The following LRCH1 variants were observed in gnomAD, a reference collection of about 807,000 sequenced individuals.
The protein encoded by LRCH1 is leucine-rich repeat and calponin homology domain-containing protein 1.
In LRCH1, 23 loss-of-function variants were observed where a neutral mutation model predicts 94.9. That is an observed-to-expected ratio of 0.24 (90% CI 0.17 to 0.34). LRCH1 has a LOEUF of 0.34. Among genes scored for constraint, LRCH1 ranks in the 10% least tolerant of loss-of-function variants. The pLI is 1.00. For missense variants in LRCH1, 790 were observed against 945.9 expected, an observed-to-expected ratio of 0.84 and a Z score of 2.16; for synonymous variants, 364 against 354.9, an observed-to-expected ratio of 1.03 and a Z score of -0.29.
chr13:46,683,390 A>C (rs905038575), intron 4 of LRCH1, among the ~76,000 whole-genome samples: 8 of 152,214 alleles, frequency 5.3e-5, no homozygotes, highest in African/African-American at 1.9e-4. Flanking sequence ...TTTTTACTTC[A>C]GTACTTGAGA....
intron 4 of LRCH1, among the ~76,000 whole-genome samples, chr13:46,685,610 T>C (rs1313722405): frequency 6.6e-6 from 1 of 151,328 alleles, no homozygotes; most frequent in Non-Finnish European, 1.5e-5. Flanking sequence ...CGTGATTCTT[T>C]TGCTGAAAAA....
rs139620572 is a variant in LRCH1, at chr13:46,657,586, G to A, written c.452+7241G>A. On this transcript the variant is annotated intron_variant, in intron 2 of 19. Transcript: ENST00000389797. ...GTTGCTCAGGCTAGAGTGCAGTGGT[G>A]TGATCACAGCTTACTGCAGCCTCGA... 6.1e-3 allele frequency among the ~76,000 whole-genome samples: 690 copies of A among 112,624 alleles called. 5 individuals carry two copies. The highest frequency in any genetic ancestry group is 0.02 in the African/African-American group (586 of 28,952). The allele number at this position is 112,624 out of a possible 152,430, so 73.9% of individuals were successfully genotyped here. A position where few individuals can be genotyped will look rare whatever the true frequency, so the allele number is the denominator to read the frequency against.
At chr13:46,652,162 C>T (rs551900738) in intron 2 of LRCH1, among the ~76,000 whole-genome samples, 7 of 151,556 alleles carry the variant, frequency 4.6e-5, no homozygotes, top group African/African-American at 1.7e-4. Flanking sequence ...CTGCAAGCTC[C>T]GCCTCCCGGG....
chr13:46,571,816 T>C (rs932598602), intron 1 of LRCH1, among the ~76,000 whole-genome samples: 3 of 152,088 alleles, frequency 2.0e-5, no homozygotes, highest in Non-Finnish European at 2.9e-5. Context: ...TAATAACACT[T>C]ATGGGGTTGC....
chr13:46,626,118 G>C (rs966150999), intron 1 of LRCH1, among the ~76,000 whole-genome samples: 1 of 152,080 alleles, frequency 6.6e-6, no homozygotes, highest in Non-Finnish European at 1.5e-5. Context: ...TTTTAAGCCT[G>C]GGAATCTTGG....
At chr13:46,613,970 C>T (rs1189012338) in intron 1 of LRCH1, among the ~76,000 whole-genome samples, 2 of 151,696 alleles carry the variant, frequency 1.3e-5, no homozygotes, top group African/African-American at 4.8e-5. Context: ...GAGCTGCCTT[C>T]GTTAATAGGC....
chr13:46,573,866 A>ATATATATATATATATATATATATT lies in LRCH1; in HGVS notation c.307+20164_307+20165insATATATATATATATATATATATTT. Among the ~76,000 whole-genome samples, 207 of 63,268 alleles carry ATATATATATATATATATATATATT rather than the reference A, an allele frequency of 3.3e-3. 5 individuals are homozygous for ATATATATATATATATATATATATT. The highest frequency in any genetic ancestry group is 9.3e-3 in the East Asian group (14 of 1,506). 41.5% of individuals were successfully genotyped at this position (63,268 alleles called of 152,430 possible). On this transcript the variant is annotated intron_variant, in intron 1 of 19. Coordinates refer to ENST00000389797, the MANE Select transcript of LRCH1 (RefSeq NM_001164211.2). ...GTCAAATATATATATATATATATAT[A>ATATATATATATATATATATATATT]TTTTTTTTTTTTTTGAGATGGAGTC...
chr13:46,584,752 T>G (rs1213958153), intron 1 of LRCH1, among the ~76,000 whole-genome samples: 1 of 152,236 alleles, frequency 6.6e-6, no homozygotes, highest in Non-Finnish European at 1.5e-5. Flanking sequence ...TGTTTCTTAA[T>G]TTTAACATGG....
At chr13:46,599,129 A>G (rs1261703857) in intron 1 of LRCH1, among the ~76,000 whole-genome samples, 1 of 152,208 alleles carries the variant, frequency 6.6e-6, no homozygotes, top group African/African-American at 2.4e-5. Context: ...TTAGCATTAT[A>G]TAATGTCCTT....
chr13:46,562,594 G>C (rs920452630), intron 1 of LRCH1, among the ~76,000 whole-genome samples: 1 of 152,168 alleles, frequency 6.6e-6, no homozygotes, highest in Non-Finnish European at 1.5e-5. Context: ...CACATTCTGA[G>C]GTGCTAGGGG....
intron 1 of LRCH1, among the ~76,000 whole-genome samples, chr13:46,615,890 G>A (rs1243291429): frequency 6.6e-6 from 1 of 152,198 alleles, no homozygotes; most frequent in Non-Finnish European, 1.5e-5. Flanking sequence ...GGGAAGAGAA[G>A]CCACCAGATG....
In LRCH1 at chr13:46,611,265, C is replaced by T. The variant is rs7998744; in HGVS notation, c.308-38936C>T. Among the ~76,000 whole-genome samples the T allele has an allele frequency of 2.1e-3, 325 of 152,266 alleles. 1 individual carries two copies. Among genetic ancestry groups the T allele is most frequent in the African/African-American group, 7.2e-3 (301 of 41,558 alleles). ...AGTGAGGGTTTGTGGTTCTCAGCTT[C>T]CCGCATTGGAATGAACATTATTTGG... On this transcript the variant is annotated intron_variant, in intron 1 of 19. Coordinates refer to ENST00000389797, the MANE Select transcript of LRCH1 (RefSeq NM_001164211.2).
intron 1 of LRCH1, among the ~76,000 whole-genome samples, chr13:46,632,340 T>C (rs1027689412): frequency 6.6e-6 from 1 of 152,186 alleles, no homozygotes; most frequent in Non-Finnish European, 1.5e-5. Flanking sequence ...TTAAGAAGCA[T>C]TTTTTGAGCC....
At chr13:46,653,545 CT>C (rs2051333403) in intron 2 of LRCH1, among the ~76,000 whole-genome samples, 1 of 152,078 alleles carries the variant, frequency 6.6e-6, no homozygotes, top group Admixed American at 6.5e-5. Context: ...AAATAGTAGG[CT>C]GGGCTTGGTG....
At chr13:46,559,903 G>A (rs528173829) in intron 1 of LRCH1, among the ~76,000 whole-genome samples, 25 of 152,202 alleles carry the variant, frequency 1.6e-4, no homozygotes, top group South Asian at 4.2e-4. Context: ...GTGTGTTACT[G>A]TAATGAACTG....
intron 1 of LRCH1, among the ~76,000 whole-genome samples, chr13:46,572,002 G>T (rs1023387425): frequency 6.6e-5 from 10 of 152,104 alleles, no homozygotes; most frequent in African/African-American, 7.2e-5. Flanking sequence ...AGAGGAGGGG[G>T]TCTTCTCACT....
chr13:46,610,392 G>C (rs1771705287), intron 1 of LRCH1, among the ~76,000 whole-genome samples: 1 of 151,122 alleles, frequency 6.6e-6, no homozygotes, highest in Admixed American at 6.6e-5. Context: ...GGAAAATTGT[G>C]GTCACTATAG....
intron 1 of LRCH1, among the ~76,000 whole-genome samples, chr13:46,631,754 T>A (rs1422229023): frequency 3.9e-5 from 6 of 152,192 alleles, no homozygotes; most frequent in Non-Finnish European, 7.3e-5. Context: ...ATTTTAACCA[T>A]TTTAATTTAG....
intron 1 of LRCH1, among the ~76,000 whole-genome samples, chr13:46,628,249 G>A (rs976382886): frequency 6.6e-6 from 1 of 152,134 alleles, no homozygotes; most frequent in Non-Finnish European, 1.5e-5. Flanking sequence ...TGTAAGGAAG[G>A]ATATGAGGCT....
Sources: allele counts gnomAD v4.1 joint callset (sites outside exome capture counted in the v4.1 genomes callset), GRCh38; gene constraint gnomAD v4.1.1; transcripts MANE v1.5; gene names NCBI Gene and HGNC (gene_info 2026-07-23, HGNC 2026-07-21).